ADORA1: variants seen among roughly 807,000 people sequenced by gnomAD.
ADORA1 encodes adenosine A1 receptor.
A neutral mutation model predicts 19.9 loss-of-function variants in ADORA1; 6 were observed. The ratio of observed to expected loss-of-function variants is 0.30; its 90% CI spans 0.17 to 0.59. The LOEUF (loss-of-function observed/expected upper bound fraction) is 0.59, where lower values mean the gene tolerates loss of function less well. Among genes scored for constraint, ADORA1 ranks in the 20% least tolerant of loss-of-function variants. The probability of loss-of-function intolerance (pLI) is 0.87; values close to 1 mark genes in which losing one functional copy is unlikely to be tolerated. For missense variants in ADORA1, 302 were observed against 439.2 expected, an observed-to-expected ratio of 0.69 and a Z score of 2.79; for synonymous variants, 194 against 188.4, an observed-to-expected ratio of 1.03 and a Z score of -0.24.
chr1:203,166,146 G>T lies in ADORA1; in HGVS notation c.*246G>T. ...CTACGGAGGGACCAGGTGTCTAGAG[G>T]CAACAGTGTTCTGAGCCCCCACCTG... On this transcript the variant is annotated 3_prime_UTR_variant, in exon 4 of 4. Coordinates refer to ENST00000337894, the MANE Select transcript of ADORA1 (RefSeq NM_000674.3). The T allele has an allele frequency of 2.4e-6, 1 of 422,878 alleles. No individual in the cohort carries two copies. Among genetic ancestry groups the T allele is most frequent in the Non-Finnish European group, 4.1e-6 (1 of 245,846 alleles). 26.2% of individuals were successfully genotyped at this position (422,878 alleles called of 1,614,324 possible).
In ADORA1 at chr1:203,130,628, A is replaced by G. The variant is rs912228542; in HGVS notation, c.341+1446A>G. Among the ~76,000 whole-genome samples, 8 of 152,262 alleles carry G rather than the reference A, an allele frequency of 5.3e-5. No individual in the cohort carries two copies. In the East Asian group the frequency reaches 1.5e-3, roughly 29 times the overall value. ...CATATAAAGCTGGTCTCAGTGCATT[A>G]GAAGAGCGGGGCCTCTGAGCCTGGC... On this transcript the variant is annotated intron_variant, in intron 3 of 3. Coordinates refer to ENST00000337894, the MANE Select transcript of ADORA1 (RefSeq NM_000674.3).
At position 203,134,792 on chromosome 1, in the gene ADORA1, C is replaced by CCA. The variant is rs147096635; in HGVS notation, c.341+5621_341+5622dup. The stretch of plus-strand genomic sequence containing the variant: ...CATTTTGGTGTTCCAGAAAATTTTT[C>CCA]CACACACACACATATATATAGATAT... On this transcript the variant is annotated intron_variant, in intron 3 of 3. Coordinates refer to ENST00000337894, the MANE Select transcript of ADORA1 (RefSeq NM_000674.3). Among the ~76,000 whole-genome samples, 1,303 of 152,148 alleles carry CCA rather than the reference C, an allele frequency of 8.6e-3. 13 individuals carry two copies. Among genetic ancestry groups the CCA allele is most frequent in the African/African-American group, 0.03 (1,224 of 41,478 alleles).
chr1:203,165,279 C>G lies in ADORA1; in HGVS notation c.360C>G (p.Thr120=), dbSNP rs1014128559. ...KIPLRYKMVV[T]PRRAAVAIAG... is the part of the protein sequence containing the mutation. ...CCCCCAGGTACAAGATGGTGGTGACCCCCCGGAGGGCGGCGGTGGCCATAG... is the reference window on the plus strand; with the variant it reads ...CCCCCAGGTACAAGATGGTGGTGACGCCCCGGAGGGCGGCGGTGGCCATAG... The change falls in exon 4 of 4, where the codon ACC becomes ACG. Residue 120 remains threonine, a synonymous_variant. Coordinates refer to ENST00000337894, the MANE Select transcript of ADORA1 (RefSeq NM_000674.3). The surrounding 1 kb of genome is among the most constrained non-coding windows in gnomAD (Gnocchi z 5.9). 1.9e-6 allele frequency: 3 copies of G among 1,578,494 alleles called. No homozygotes were observed. In the African/African-American group the frequency reaches 4.1e-5, roughly 21 times the overall value.
Position 203,128,517 on chromosome 1 carries a change from G to A in ADORA1, c.-58+85G>A, listed in dbSNP as rs992479801. ...CCTCTGTGCGTGTGTCTGTGTGTGC[G>A]CGCGCGCTGGGAGCTGCCTCACACC... On this transcript the variant is annotated intron_variant, in intron 2 of 3. Coordinates refer to ENST00000337894, the MANE Select transcript of ADORA1 (RefSeq NM_000674.3). The surrounding 1 kb of genome is among the most constrained non-coding windows in gnomAD (Gnocchi z 5.9). 14 of 1,069,320 alleles carry A rather than the reference G, an allele frequency of 1.3e-5. No homozygotes were observed. Among genetic ancestry groups the A allele is most frequent in the Middle Eastern group, 6.7e-4 (2 of 2,998 alleles). The allele number at this position is 1,069,320 out of a possible 1,614,324, so 66.2% of individuals were successfully genotyped here.
At chr1:203,134,185 G>A (rs1236493656) in intron 3 of ADORA1, among the ~76,000 whole-genome samples, 1 of 152,184 alleles carries the variant, frequency 6.6e-6, no homozygotes, top group East Asian at 1.9e-4. Flanking sequence ...AGATTACTTG[G>A]CTGGGAGTTC....
rs543118926 is a variant in ADORA1, at chr1:203,165,927, A to G, written c.*27A>G. On this transcript the variant is annotated 3_prime_UTR_variant, in exon 4 of 4. Transcript: ENST00000337894. The surrounding 1 kb of genome is among the most constrained non-coding windows in gnomAD (Gnocchi z 5.9). Reference sequence around the variant, plus strand: ...CCCCGCCTTCCGCTCCCACCAGCCCACATCCAGTGGGGTCTCAGTCCAGTC... The same window carrying G: ...CCCCGCCTTCCGCTCCCACCAGCCCGCATCCAGTGGGGTCTCAGTCCAGTC... 8 of 1,527,368 alleles carry G rather than the reference A, an allele frequency of 5.2e-6. No individual in the cohort carries two copies. In the Admixed American group the frequency reaches 1.4e-4, roughly 27 times the overall value. 94.6% of individuals were successfully genotyped at this position (1,527,368 alleles called of 1,614,324 possible).
At chr1:203,151,788 G>GCATTCATT (rs34226911) in intron 3 of ADORA1, among the ~76,000 whole-genome samples, 52,838 of 151,190 alleles carry the variant, frequency 0.35, 11,342 homozygotes, top group Middle Eastern at 0.48. Flanking sequence ...ATGCATGCAT[G>GCATTCATT]CATTCATTCA....
intron 3 of ADORA1, among the ~76,000 whole-genome samples, chr1:203,131,845 C>T (rs1366513889): frequency 6.6e-6 from 1 of 152,216 alleles, no homozygotes; most frequent in Non-Finnish European, 1.5e-5. Context: ...CTACGAAACT[C>T]CTCTTGGCCA....
rs1334971015 is a variant in ADORA1 at position 203,128,305 on chromosome 1, C to T, written c.-185C>T. 6 of 1,278,726 alleles carry T rather than the reference C, an allele frequency of 4.7e-6. No homozygotes were observed. In the African/African-American group the frequency reaches 6.1e-5, roughly 13 times the overall value. The allele number at this position is 1,278,726 out of a possible 1,614,324, so 79.2% of individuals were successfully genotyped here. On this transcript the variant is annotated 5_prime_UTR_variant, in exon 2 of 4. Coordinates refer to ENST00000337894, the MANE Select transcript of ADORA1 (RefSeq NM_000674.3). The surrounding 1 kb of genome is among the most constrained non-coding windows in gnomAD (Gnocchi z 5.9). The stretch of plus-strand genomic sequence containing the variant: ...CGGGCTGGGAGCGCTGCGGCGGGAG[C>T]CGGAGGACTATGAGCTGCCGCGCGT...
chr1:203,128,996 C>T lies in ADORA1; in HGVS notation c.155C>T (p.Ala52Val). 1 of 1,614,172 alleles carries T rather than the reference C, an allele frequency of 6.2e-7. No homozygotes were observed. The highest frequency in any genetic ancestry group is 8.5e-7 in the Non-Finnish European group (1 of 1,180,032). Reference sequence around the variant, plus strand: ...ACCTTCTGCTTCATCGTGTCGCTGGCGGTGGCTGATGTGGCCGTGGGTGCC... The same window carrying T: ...ACCTTCTGCTTCATCGTGTCGCTGGTGGTGGCTGATGTGGCCGTGGGTGCC... ...DATFCFIVSLAVADVAVGALV... is the reference protein window; with the variant it reads ...DATFCFIVSLVVADVAVGALV... The change falls in exon 3 of 4, where the codon GCG becomes GTG. Residue 52 changes from alanine to valine, a missense_variant. By Grantham distance (64) the Ala-to-Val change is moderately conservative (BLOSUM62 0). Coordinates refer to ENST00000337894, the MANE Select transcript of ADORA1 (RefSeq NM_000674.3). This position sits in a 1 kb window ranked among gnomAD's most constrained non-coding sequence, Gnocchi z 5.9.
chr1:203,156,722 T>G (rs1441396624), intron 3 of ADORA1, among the ~76,000 whole-genome samples: 1 of 152,210 alleles, frequency 6.6e-6, no homozygotes, highest in Non-Finnish European at 1.5e-5. Context: ...TAATTCATAA[T>G]GAACAGAAAT....
In ADORA1 at chr1:203,166,938, G is replaced by C. The variant is rs1306793710; in HGVS notation, c.*1038G>C. 1 of 152,588 alleles carries C rather than the reference G, an allele frequency of 6.6e-6. No homozygotes were observed. The highest frequency in any genetic ancestry group is 1.5e-5 in the Non-Finnish European group (1 of 68,350). 9.5% of individuals were successfully genotyped at this position (152,588 alleles called of 1,614,324 possible). On this transcript the variant is annotated 3_prime_UTR_variant, in exon 4 of 4. Coordinates refer to ENST00000337894, the MANE Select transcript of ADORA1 (RefSeq NM_000674.3). ...TGTAGGCGCCCCTGGGGTGGGTTTA[G>C]CAGGCTGCAGCAGGCAGAGGAGAGT...
At chr1:203,142,449 G>A (rs187438260) in intron 3 of ADORA1, among the ~76,000 whole-genome samples, 7 of 152,340 alleles carry the variant, frequency 4.6e-5, no homozygotes, top group African/African-American at 1.7e-4. Flanking sequence ...CCTTAGTGGG[G>A]AAGACTGAGT....
At chr1:203,149,159 T>A (rs1264744955) in intron 3 of ADORA1, among the ~76,000 whole-genome samples, 1 of 152,152 alleles carries the variant, frequency 6.6e-6, no homozygotes, top group African/African-American at 2.4e-5. Context: ...ATTACAGGCG[T>A]GAGCTACTGT....
At chr1:203,134,077 T>TA (rs34431746) in intron 3 of ADORA1, among the ~76,000 whole-genome samples, 98,905 of 151,874 alleles carry the variant, frequency 0.65, 32,336 homozygotes, top group Admixed American at 0.69. Flanking sequence ...CTGGAGTGTC[T>TA]AAGAGGGAAG....
At chr1:203,149,501 C>G (rs777985310) in intron 3 of ADORA1, among the ~76,000 whole-genome samples, 5 of 152,198 alleles carry the variant, frequency 3.3e-5, no homozygotes, top group Non-Finnish European at 5.9e-5. Flanking sequence ...AGGAGGAGGA[C>G]AGGCTGTTCC....
intron 3 of ADORA1, among the ~76,000 whole-genome samples, chr1:203,139,311 T>C (rs1422616662): frequency 6.6e-6 from 1 of 152,146 alleles, no homozygotes; most frequent in East Asian, 1.9e-4. Flanking sequence ...TGTGGCAACA[T>C]GCGGCATCTG....
At chr1:203,154,561 C>T (rs1041282197) in intron 3 of ADORA1, among the ~76,000 whole-genome samples, 4 of 152,258 alleles carry the variant, frequency 2.6e-5, no homozygotes, top group East Asian at 1.9e-4. Context: ...TGGTAGAAGC[C>T]GCACCCATGG....
chr1:203,164,947 A>G, intron 3 of ADORA1: 2 of 1,235,160 alleles, frequency 1.6e-6, no homozygotes, highest in Non-Finnish European at 1.1e-6. Context: ...CATGCTGAGC[A>G]CATGGGAGCA....
Sources: gnomAD v4.1 joint callset for allele counts (sites outside exome capture counted in the v4.1 genomes callset) on GRCh38, gnomAD v4.1.1 for gene constraint, Gnocchi (gnomAD v3.1) non-coding constraint, MANE v1.5 for transcripts, NCBI Gene and HGNC (gene_info 2026-07-23, HGNC 2026-07-21) for gene names.